CABP7: variants seen among roughly 807,000 people sequenced by gnomAD.
CABP7 encodes calcium-binding protein 7.
CABP7 carries 13 observed loss-of-function variants against 23.1 expected under a neutral mutation model. That is an observed-to-expected ratio of 0.56 (90% CI 0.37 to 0.90). CABP7 has a LOEUF of 0.90. Among genes scored for constraint, CABP7 ranks in the 40% least tolerant of loss-of-function variants. The probability of loss-of-function intolerance (pLI) is 0.01; values close to 1 mark genes in which losing one functional copy is unlikely to be tolerated. For missense variants in CABP7, 248 were observed against 295.6 expected, an observed-to-expected ratio of 0.84 and a Z score of 1.18; for synonymous variants, 123 against 115.3, an observed-to-expected ratio of 1.07 and a Z score of -0.43.
chr22:29,721,382 G>A (rs1294112662), intron 1 of CABP7, among the ~76,000 whole-genome samples: 3 of 152,142 alleles, frequency 2.0e-5, no homozygotes, highest in Non-Finnish European at 2.9e-5. Context: ...TGGGCTGGGG[G>A]AGGTGCTGAG....
chr22:29,721,320 T>A (rs1335651516), intron 1 of CABP7, among the ~76,000 whole-genome samples: 2 of 151,948 alleles, frequency 1.3e-5, no homozygotes, highest in African/African-American at 4.8e-5. Context: ...TCCGGGACAG[T>A]GTGTCCTGAG....
chr22:29,728,108 C>A (rs1189234471), intron 2 of CABP7, among the ~76,000 whole-genome samples: 2 of 152,188 alleles, frequency 1.3e-5, no homozygotes, highest in African/African-American at 4.8e-5. Context: ...ACTCCAGTTC[C>A]CACCACCTGA....
At chr22:29,728,201 C>T (rs747757904) in intron 2 of CABP7, among the ~76,000 whole-genome samples, 4 of 152,378 alleles carry the variant, frequency 2.6e-5, no homozygotes, top group Non-Finnish European at 5.9e-5. Flanking sequence ...GCCAAGCCCC[C>T]TCTTTATCCC....
At chr22:29,724,728 C>A (rs1188048306) in intron 1 of CABP7, among the ~76,000 whole-genome samples, 4 of 152,166 alleles carry the variant, frequency 2.6e-5, no homozygotes, top group African/African-American at 9.7e-5. Context: ...GGGACTCATG[C>A]ATGGGGAGGT....
At position 29,727,848 on chromosome 22, in the gene CABP7, C is replaced by T; in HGVS notation, c.253+43C>T. 6.3e-7 allele frequency: 1 copy of T among 1,584,686 alleles called. No homozygotes were observed. On this transcript the variant is annotated intron_variant, in intron 2 of 4. Transcript: ENST00000216144. The surrounding 1 kb of genome is among the most constrained non-coding windows in gnomAD (Gnocchi z 4.2). ...TCGGTTTCCCCACCTGGCATCTGGG[C>T]CCTGGGGGTGGGGCAGGGGCTGGGG...
rs1177092312 is a variant in CABP7, at chr22:29,720,149, G to A, written c.-276G>A. The A allele has an allele frequency of 1.4e-5, 2 of 146,948 alleles. No individual in the cohort carries two copies. Among genetic ancestry groups the A allele is most frequent in the African/African-American group, 4.9e-5 (2 of 40,846 alleles). The allele number at this position is 146,948 out of a possible 1,614,324, so 9.1% of individuals were successfully genotyped here. ...AGCGGGCGCGGCGGGCACCGCGCGA[G>A]GCAGCCGGAGCTCTCGGAAAGGCCA... On this transcript the variant is annotated 5_prime_UTR_variant, in exon 1 of 5. Coordinates refer to ENST00000216144, the MANE Select transcript of CABP7 (RefSeq NM_182527.3). This position sits in a 1 kb window ranked among gnomAD's most constrained non-coding sequence, Gnocchi z 5.2.
chr22:29,728,688 C>G lies in CABP7; in HGVS notation c.312C>G (p.Thr104=). The G allele has an allele frequency of 3.7e-6, 6 of 1,613,752 alleles. No homozygotes were observed. Among genetic ancestry groups the G allele is most frequent in the South Asian group, 1.1e-5 (1 of 91,080 alleles). Reference sequence around the variant, plus strand: ...CCCTTCTGGGACCCAAACTCTCCACCTCAGGGATCCCAGAGAAGTTCCATG... The same window carrying G: ...CCCTTCTGGGACCCAAACTCTCCACGTCAGGGATCCCAGAGAAGTTCCATG... ...FVTLLGPKLS[T]SGIPEKFHGT... is the part of the protein sequence containing the mutation. Residue 104 remains threonine, a synonymous_variant, in exon 3 of 5, where the codon ACC becomes ACG. Transcript: ENST00000216144.
intron 4 of CABP7, 34 bp from the exon 5 acceptor site, chr22:29,729,406 TTC>T: frequency 6.2e-7 from 1 of 1,604,844 alleles, no homozygotes; most frequent in South Asian, 1.1e-5. Context: ...TGATGTCCCC[TTC>T]TGTCTCCCCG....
At chr22:29,728,939 C>A in intron 3 of CABP7, 116 bp from the exon 4 acceptor site, 1 of 1,345,646 alleles carries the variant, frequency 7.4e-7, no homozygotes, top group Non-Finnish European at 1.0e-6. Flanking sequence ...GGGAATGGAG[C>A]AAGTGTTTTC....
chr22:29,728,484 T>G, intron 2 of CABP7, 146 bp from the exon 3 acceptor site: 1 of 585,912 alleles, frequency 1.7e-6, no homozygotes, highest in East Asian at 2.8e-5. Context: ...CCCCTGACAC[T>G]GACTCAAGGC....
In CABP7 at chr22:29,729,103, G is replaced by A. The variant is rs777443951; in HGVS notation, c.415G>A (p.Asp139Asn). 1.1e-5 allele frequency: 17 copies of A among 1,611,508 alleles called. No homozygotes were observed. Among genetic ancestry groups the A allele is most frequent in the East Asian group, 2.2e-5 (1 of 44,878 alleles). Residue 139 changes from aspartate (D) to asparagine (N), a missense_variant, in exon 4 of 5, where the codon GAC (aspartate) becomes AAC (asparagine). Asp to Asn is a conservative substitution (Grantham distance 23). Coordinates refer to ENST00000216144, the MANE Select transcript of CABP7 (RefSeq NM_182527.3). Reference sequence around the variant, plus strand: ...GGATGAGCTGAAGCGGCTGCTCTACGACACCTTCTGCGAGCACCTGTCCAT... The same window carrying A: ...GGATGAGCTGAAGCGGCTGCTCTACAACACCTTCTGCGAGCACCTGTCCAT... ...TVDELKRLLY[D>N]TFCEHLSMKD...
intron 1 of CABP7, among the ~76,000 whole-genome samples, chr22:29,725,762 A>G (rs2067791405): frequency 6.8e-6 from 1 of 146,988 alleles, no homozygotes; most frequent in South Asian, 2.2e-4. Context: ...GAGATGGAGC[A>G]GTCCTGGTAC....
rs1443696708 is a variant in CABP7, at chr22:29,720,462, G to A, written c.38G>A (p.Arg13Gln). 1.3e-6 allele frequency: 2 copies of A among 1,560,924 alleles called. No individual in the cohort carries two copies. The highest frequency in any genetic ancestry group is 1.8e-5 in the Admixed American group (1 of 55,576). ...FHPVTAALMY[R>Q]GIYTVPNLLS... Reference sequence around the variant, plus strand: ...CCGGTGACGGCGGCGTTGATGTACCGGGGCATCTACACCGTGCCCAACCTG... The same window carrying A: ...CCGGTGACGGCGGCGTTGATGTACCAGGGCATCTACACCGTGCCCAACCTG... The change falls in exon 1 of 5, where the codon CGG (arginine) becomes CAG (glutamine). Residue 13 changes from arginine to glutamine, a missense_variant. Coordinates refer to ENST00000216144, the MANE Select transcript of CABP7 (RefSeq NM_182527.3). The surrounding 1 kb of genome is among the most constrained non-coding windows in gnomAD (Gnocchi z 5.2).
intron 1 of CABP7, among the ~76,000 whole-genome samples, chr22:29,724,325 G>A (rs771287821): frequency 5.9e-5 from 9 of 152,204 alleles, no homozygotes; most frequent in East Asian, 1.9e-4. Context: ...TGGTCCCAGC[G>A]ACCGCCAACA....
chr22:29,729,656 C>T lies in CABP7; in HGVS notation c.*87C>T, dbSNP rs977764394. 6.5e-7 allele frequency: 1 copy of T among 1,530,190 alleles called. No individual in the cohort carries two copies. Among genetic ancestry groups the T allele is most frequent in the African/African-American group, 1.4e-5 (1 of 73,204 alleles). The allele number at this position is 1,530,190 out of a possible 1,614,324, so 94.8% of individuals were successfully genotyped here. On this transcript the variant is annotated 3_prime_UTR_variant, in exon 5 of 5. Transcript: ENST00000216144. Reference sequence around the variant, plus strand: ...GCCTGCAGACCTCTCCCTTGGCCGGCTCCCTGGGCCGCCATCTGCGTGTAC... The same window carrying T: ...GCCTGCAGACCTCTCCCTTGGCCGGTTCCCTGGGCCGCCATCTGCGTGTAC...
At chr22:29,729,407 TC>T in intron 4 of CABP7, 34 bp from the exon 5 acceptor site, 1 of 1,605,058 alleles carries the variant, frequency 6.2e-7, no homozygotes, top group Non-Finnish European at 8.5e-7. Context: ...GATGTCCCCT[TC>T]TGTCTCCCCG....
At chr22:29,729,274 G>A in intron 4 of CABP7, 66 bp downstream of exon 4, 4 of 1,580,832 alleles carry the variant, frequency 2.5e-6, no homozygotes, top group Non-Finnish European at 3.4e-6. Flanking sequence ...CGCACGGGGT[G>A]GGGAGAGTCT....
chr22:29,728,365 G>GA (rs2067811057), intron 2 of CABP7, among the ~76,000 whole-genome samples: 3 of 152,144 alleles, frequency 2.0e-5, no homozygotes, highest in Admixed American at 2.0e-4. Flanking sequence ...GGTTCTGGGT[G>GA]AAATAGGAGG....
At chr22:29,722,323 G>A (rs2067767438) in intron 1 of CABP7, among the ~76,000 whole-genome samples, 1 of 152,240 alleles carries the variant, frequency 6.6e-6, no homozygotes, top group Admixed American at 6.5e-5. Flanking sequence ...CAAGGCCGCA[G>A]GCTCCCCAAC....
Sources: allele counts gnomAD v4.1 joint callset (sites outside exome capture counted in the v4.1 genomes callset), GRCh38; gene constraint gnomAD v4.1.1; non-coding constraint Gnocchi (gnomAD v3.1); transcripts MANE v1.5; gene names NCBI Gene and HGNC (gene_info 2026-07-23, HGNC 2026-07-21).